The following CCNB3 variants were observed in gnomAD, a reference collection of about 807,000 sequenced individuals.
CCNB3 encodes G2/mitotic-specific cyclin-B3.
Under a neutral mutation model 68.0 loss-of-function variants are expected in CCNB3, and 12 were observed. That is an observed-to-expected ratio of 0.18 (90% CI 0.11 to 0.29). The LOEUF (loss-of-function observed/expected upper bound fraction) is 0.29, where lower values mean the gene tolerates loss of function less well. Ranked by LOEUF, CCNB3 falls within the 10% of genes least tolerant of loss-of-function variation. CCNB3 has a pLI of 1.00. For missense variants in CCNB3, 904 were observed against 993.1 expected, an observed-to-expected ratio of 0.91 and a Z score of 1.21; for synonymous variants, 354 against 388.9, an observed-to-expected ratio of 0.91 and a Z score of 1.06.
chrX:50,310,921 A>T lies in CCNB3; in HGVS notation c.2752A>T (p.Met918Leu). The T allele has an allele frequency of 2.5e-6, 3 of 1,212,182 alleles. No homozygotes were observed. The highest frequency in any genetic ancestry group is 4.6e-4 in the Middle Eastern group (2 of 4,355). ...CCTCAAAAAGCCATTAGCCTTGAAG[A>T]TGTCTACCATCAATGAGGCAGTCCT... is the stretch of plus-strand genomic sequence containing the variant. The part of the protein sequence containing the change: ...TLLKKPLALK[M>L]STINEAVLFE... Residue 918 changes from methionine to leucine, a missense_variant, in exon 6 of 13, where the codon ATG becomes TTG. Transcript: ENST00000376042.
chrX:50,227,727 GATAAT>G (rs1466195916), intron 1 of CCNB3, among the ~76,000 whole-genome samples: 1 of 58,303 alleles, frequency 1.7e-5, no homozygotes, highest in Non-Finnish European at 3.1e-5. Flanking sequence ...TATATAGAGA[GATAAT>G]ATATATAAAT....
upstream of CCNB3, among the ~76,000 whole-genome samples, chrX:50,203,000 AG>A (rs1377400378): frequency 8.9e-6 from 1 of 111,875 alleles, no homozygotes; most frequent in African/African-American, 3.3e-5. Flanking sequence ...AAATAGTCAA[AG>A]TAAGGAATAT....
In CCNB3 at chrX:50,309,505, G is replaced by A. The variant is rs1557214218; in HGVS notation, c.1336G>A (p.Glu446Lys). 2 of 1,211,293 alleles carry A rather than the reference G, an allele frequency of 1.7e-6. No individual in the cohort carries two copies. ...SALQKKHTTQ[E>K]EVSILKEPSS... The stretch of plus-strand genomic sequence containing the variant: ...ATTGCAAAAGAAGCACACCACTCAG[G>A]AGGAGGTTTCCATCTTAAAGGAGCC... The change falls in exon 6 of 13, where the codon GAG becomes AAG. Residue 446 changes from glutamate to lysine, a missense_variant. Glu to Lys is a moderately conservative substitution (Grantham distance 56, BLOSUM62 1). Around this residue, in one of 2 missense-constraint regions of CCNB3, gnomAD observed 619 missense variants for 609.8 expected, o/e 1.02. Coordinates refer to ENST00000376042, the MANE Select transcript of CCNB3 (RefSeq NM_033031.3).
intron 8 of CCNB3, among the ~76,000 whole-genome samples, chrX:50,335,872 C>T (rs1048738602): frequency 1.1e-4 from 12 of 111,727 alleles, no homozygotes; most frequent in African/African-American, 3.9e-4. Context: ...AGGCAAGGGA[C>T]AGTCAGGCAT....
At chrX:50,221,438 G>T (rs1281010132) in intron 1 of CCNB3, among the ~76,000 whole-genome samples, 1 of 111,577 alleles carries the variant, frequency 9.0e-6, no homozygotes, top group African/African-American at 3.3e-5. Context: ...TCTAAACACT[G>T]CTTTAGCTGT....
Position 50,310,749 on chromosome X carries a change from G to A in CCNB3, c.2580G>A (p.Leu860=), listed in dbSNP as rs1368963388. Residue 860 remains leucine (L), a synonymous_variant, in exon 6 of 13, where the codon TTG becomes TTA. Transcript: ENST00000376042. The stretch of plus-strand genomic sequence containing the variant: ...CAGAAGCTCACTTTAAGGAAACTTT[G>A]GCCTTGCAGGAGAAGCCCAGCATTG... ...VDTEAHFKET[L]ALQEKPSIEQ... 5.0e-6 allele frequency: 6 copies of A among 1,209,299 alleles called. No homozygotes were observed. In the African/African-American group the frequency reaches 7.0e-5, roughly 14 times the overall value.
At chrX:50,227,702 GAATATATATATAAATATATAGAGAGAT>G (rs1935915582) in intron 1 of CCNB3, among the ~76,000 whole-genome samples, 5 of 92,647 alleles carry the variant, frequency 5.4e-5, no homozygotes, top group Non-Finnish European at 1.0e-4. Flanking sequence ...TATATAGAGA[GAATATATATATAAATATATAGAGAGAT>G]AATATATATA....
At chrX:50,330,477 C>T (rs1277792269) in intron 8 of CCNB3, among the ~76,000 whole-genome samples, 2 of 111,602 alleles carry the variant, frequency 1.8e-5, no homozygotes, top group South Asian at 3.8e-4. Flanking sequence ...CCTTTGAGAA[C>T]CTCACTCATT....
chrX:50,323,575 T>A (rs954496574), intron 8 of CCNB3, among the ~76,000 whole-genome samples: 19 of 112,268 alleles, frequency 1.7e-4, no homozygotes, highest in Admixed American at 5.6e-4. Flanking sequence ...ATAAAAAAAA[T>A]TTATTACTAG....
intron 5 of CCNB3, among the ~76,000 whole-genome samples, chrX:50,302,604 G>T (rs1936673004): frequency 9.0e-6 from 1 of 111,145 alleles, no homozygotes; most frequent in African/African-American, 3.3e-5. Context: ...TGTACCTTTG[G>T]TTATCACCTC....
chrX:50,320,944 A>G (rs1322621324), intron 8 of CCNB3, among the ~76,000 whole-genome samples: 9 of 111,704 alleles, frequency 8.1e-5, no homozygotes, highest in African/African-American at 2.3e-4. Flanking sequence ...TATTTGCAGT[A>G]TGGTATTTCT....
intron 1 of CCNB3, among the ~76,000 whole-genome samples, chrX:50,227,796 T>A (rs1312224572): frequency 1.7e-5 from 1 of 58,666 alleles, no homozygotes; most frequent in Admixed American, 2.5e-4. Flanking sequence ...TAAATATATA[T>A]AGAGAATAAA....
At chrX:50,279,556 T>C (rs1386717297) in intron 1 of CCNB3, among the ~76,000 whole-genome samples, 1 of 86,282 alleles carries the variant, frequency 1.2e-5, no homozygotes, top group East Asian at 3.4e-4. Flanking sequence ...TATATAAATA[T>C]ATGAATATAT....
At chrX:50,228,347 A>T (rs1204532662) in intron 1 of CCNB3, among the ~76,000 whole-genome samples, 3 of 93,817 alleles carry the variant, frequency 3.2e-5, no homozygotes, top group Non-Finnish European at 4.1e-5. Flanking sequence ...ATATACATAC[A>T]TATATAGAAG....
chrX:50,293,407 G>T (rs1936384854), intron 4 of CCNB3, among the ~76,000 whole-genome samples: 1 of 109,905 alleles, frequency 9.1e-6, no homozygotes. Flanking sequence ...TCTTTTGCTA[G>T]CTTTGGGGTT....
chrX:50,288,937 C>A, intron 4 of CCNB3, 50 bp downstream of exon 4: 1 of 845,410 alleles, frequency 1.2e-6, no homozygotes, highest in Non-Finnish European at 1.7e-6. Context: ...AAGGCTTAGA[C>A]ATGCTGTTTC....
chrX:50,346,947 G>A, intron 10 of CCNB3, 140 bp downstream of exon 10: 1 of 632,652 alleles, frequency 1.6e-6, no homozygotes, highest in East Asian at 3.7e-5. Flanking sequence ...CAATCTCCTA[G>A]GTTAAAGCTT....
chrX:50,227,903 G>T (rs1202090080), intron 1 of CCNB3, among the ~76,000 whole-genome samples: 7 of 77,479 alleles, frequency 9.0e-5, no homozygotes, highest in Admixed American at 1.8e-4. Context: ...TAAATATATA[G>T]AGAGAATATA....
In CCNB3 at chrX:50,351,766, C is replaced by A; in HGVS notation, c.*63C>A. Reference sequence around the variant, plus strand: ...ATATTTATTCTATGTTCGAATTTGTCTTTTGATCGCTTTTATTCATTTTTC... The same window carrying A: ...ATATTTATTCTATGTTCGAATTTGTATTTTGATCGCTTTTATTCATTTTTC... On this transcript the variant is annotated 3_prime_UTR_variant, in exon 13 of 13. Transcript: ENST00000376042. The A allele has an allele frequency of 1.3e-6, 1 of 797,668 alleles. No individual in the cohort carries two copies. Among genetic ancestry groups the A allele is most frequent in the Non-Finnish European group, 1.8e-6 (1 of 557,600 alleles). 65.7% of individuals were successfully genotyped at this position (797,668 alleles called of 1,213,427 possible). A position where few individuals can be genotyped will look rare whatever the true frequency, so the allele number is the denominator to read the frequency against.
Sources: gnomAD v4.1 joint callset for allele counts (sites outside exome capture counted in the v4.1 genomes callset) on GRCh38, gnomAD v4.1.1 for gene constraint, gnomAD v4.1.1 regional missense constraint, MANE v1.5 for transcripts, NCBI Gene and HGNC (gene_info 2026-07-23, HGNC 2026-07-21) for gene names.